Variants in TMEM273 observed in about 807,000 individuals in gnomAD.
TMEM273 encodes transmembrane protein 273, also known as chromosome 10 open reading frame 128.
Under a neutral mutation model 17.9 loss-of-function variants are expected in TMEM273, and 19 were observed. The ratio of observed to expected loss-of-function variants is 1.06; its 90% CI spans 0.74 to 1.55. TMEM273 has a LOEUF of 1.55. Among genes scored for constraint, TMEM273 ranks in the 40% most tolerant of loss-of-function variants. The pLI is 0.00. For synonymous variants in TMEM273, 66 were observed against 62.0 expected (o/e 1.07, Z -0.31); for missense variants, 194 against 155.6 (o/e 1.25, Z -1.31).
At chr10:49,187,943 A>G (rs1847826837) in intron 1 of TMEM273, among the ~76,000 whole-genome samples, 1 of 152,150 alleles carries the variant, frequency 6.6e-6, no homozygotes. Context: ...CAAAAAGTAA[A>G]CATGATTATC....
chr10:49,179,815 G>A (rs752949803), intron 1 of TMEM273, among the ~76,000 whole-genome samples: 8 of 152,130 alleles, frequency 5.3e-5, no homozygotes, highest in African/African-American at 1.7e-4. Flanking sequence ...CAGCTCCCAC[G>A]AGCCAAAGAC....
chr10:49,158,647 T>A (rs1845658494), intron 6 of TMEM273, among the ~76,000 whole-genome samples: 1 of 152,166 alleles, frequency 6.6e-6, no homozygotes, highest in African/African-American at 2.4e-5. Context: ...AGCACATGAA[T>A]AACCGCAAAT....
At chr10:49,168,002 C>T (rs760101265) in intron 1 of TMEM273, 40 bp from the exon 2 acceptor site, 12 of 1,612,514 alleles carry the variant, frequency 7.4e-6, no homozygotes, top group Middle Eastern at 1.6e-4. Context: ...TAGAACAGAG[C>T]TGGCTGTGGT....
At chr10:49,165,679 G>T in intron 4 of TMEM273, 87 bp downstream of exon 4, 1 of 1,562,562 alleles carries the variant, frequency 6.4e-7, no homozygotes, top group East Asian at 2.2e-5. Flanking sequence ...GTGCAGAGAA[G>T]GCTGGGGATG....
chr10:49,166,922 T>C lies in TMEM273; in HGVS notation c.185A>G (p.His62Arg). 1 of 1,614,002 alleles carries C rather than the reference T, an allele frequency of 6.2e-7. No individual in the cohort carries two copies. Among genetic ancestry groups the C allele is most frequent in the Non-Finnish European group, 8.5e-7 (1 of 1,180,002 alleles). Residue 62 changes from histidine to arginine, a missense_variant, in exon 3 of 7, where the codon CAC (histidine) becomes CGC (arginine). Coordinates refer to ENST00000374153, the MANE Select transcript of TMEM273 (RefSeq NM_001288740.3). Reference sequence around the variant, plus strand: ...GTCGGAAGAGTCGTCGTCAAATAAGTGCCTCCTGATCATGCAGATCTTCAG... The same window carrying C: ...GTCGGAAGAGTCGTCGTCAAATAAGCGCCTCCTGATCATGCAGATCTTCAG... Reference protein sequence around the residue: ...LALKICMIRRHLFDDDSSDLK... With the variant: ...LALKICMIRRRLFDDDSSDLK...
Position 49,188,274 on chromosome 10 carries a change from C to T in TMEM273, c.43+20G>A, listed in dbSNP as rs76486037. ...CACTGAGGCTCCCCCGGGCCAGAGACCCCCGCAGTCCCCACTTACCCAGGA... is the reference window on the plus strand; with the variant it reads ...CACTGAGGCTCCCCCGGGCCAGAGATCCCCGCAGTCCCCACTTACCCAGGA... On this transcript the variant is annotated intron_variant, in intron 1 of 6. Coordinates refer to ENST00000374153, the MANE Select transcript of TMEM273 (RefSeq NM_001288740.3). The T allele has an allele frequency of 6.8e-6, 11 of 1,613,866 alleles. No homozygotes were observed. The highest frequency in any genetic ancestry group is 9.3e-6 in the Non-Finnish European group (11 of 1,179,834).
intron 1 of TMEM273, among the ~76,000 whole-genome samples, chr10:49,173,963 C>T (rs1441955858): frequency 6.6e-6 from 1 of 152,150 alleles, no homozygotes; most frequent in Admixed American, 6.5e-5. Context: ...CTGGCACACA[C>T]TTTTCTGAGC....
chr10:49,163,743 T>C (rs1845993147), intron 5 of TMEM273, among the ~76,000 whole-genome samples: 1 of 151,984 alleles, frequency 6.6e-6, no homozygotes, highest in Non-Finnish European at 1.5e-5. Context: ...AGAGATGGGG[T>C]GCTGGGAGAC....
chr10:49,183,227 A>G (rs191777683), intron 1 of TMEM273, among the ~76,000 whole-genome samples: 101 of 152,282 alleles, frequency 6.6e-4, no homozygotes, highest in Non-Finnish European at 1.1e-3. Context: ...TGTCAACATT[A>G]AATTTCCTAA....
chr10:49,158,587 T>C (rs2132085567), intron 6 of TMEM273, among the ~76,000 whole-genome samples: 2 of 152,260 alleles, frequency 1.3e-5, no homozygotes, highest in African/African-American at 4.8e-5. Context: ...CACCAGAAGG[T>C]AGAGCACACC....
At chr10:49,162,473 C>T (rs1441330862) in intron 5 of TMEM273, among the ~76,000 whole-genome samples, 1 of 152,208 alleles carries the variant, frequency 6.6e-6, no homozygotes, top group Non-Finnish European at 1.5e-5. Context: ...GCTTCAAGGT[C>T]TGGCGATTTG....
At chr10:49,166,686 G>A (rs1022688100) in intron 3 of TMEM273, 183 bp downstream of exon 3, 1 of 795,714 alleles carries the variant, frequency 1.3e-6, no homozygotes, top group African/African-American at 1.7e-5. Flanking sequence ...AGAGACAGAA[G>A]AAAGAGAAAC....
chr10:49,166,771 C>A (rs369955880), intron 3 of TMEM273, 98 bp downstream of exon 3: 1 of 1,551,836 alleles, frequency 6.4e-7, no homozygotes, highest in Non-Finnish European at 8.8e-7. Context: ...TTGGGCTCTG[C>A]GCTTGTGGGT....
At chr10:49,179,895 GA>G (rs1354099792) in intron 1 of TMEM273, among the ~76,000 whole-genome samples, 1 of 152,176 alleles carries the variant, frequency 6.6e-6, no homozygotes, top group Admixed American at 6.5e-5. Context: ...AAACAGCACA[GA>G]AAAAACTGTG....
rs1427031802 is a variant in TMEM273, at chr10:49,155,112, C to A, written c.*780G>T. The A allele has an allele frequency of 1.3e-5, 2 of 152,222 alleles. No individual in the cohort carries two copies. Among genetic ancestry groups the A allele is most frequent in the South Asian group, 2.1e-4 (1 of 4,830 alleles). 9.4% of individuals were successfully genotyped at this position (152,222 alleles called of 1,614,324 possible). Reference sequence around the variant, plus strand: ...TTTCCTCAGCCTCCACCAGTCATGTCTTCTATGCAACAGCCATGTACATTG... The same window carrying A: ...TTTCCTCAGCCTCCACCAGTCATGTATTCTATGCAACAGCCATGTACATTG... On this transcript the variant is annotated 3_prime_UTR_variant, in exon 7 of 7. Transcript: ENST00000374153.
At chr10:49,164,862 A>T (rs184208176) in intron 5 of TMEM273, among the ~76,000 whole-genome samples, 1 of 151,592 alleles carries the variant, frequency 6.6e-6, no homozygotes, top group African/African-American at 2.4e-5. Context: ...CTGTGCAGCC[A>T]CCACCTGGGA....
intron 1 of TMEM273, among the ~76,000 whole-genome samples, chr10:49,179,245 T>C (rs1360971436): frequency 1.3e-5 from 2 of 152,218 alleles, no homozygotes; most frequent in East Asian, 3.8e-4. Flanking sequence ...GAAGTGGAGA[T>C]AGTTTAATTT....
intron 3 of TMEM273, among the ~76,000 whole-genome samples, 189 bp from the exon 4 acceptor site, chr10:49,165,985 C>T (rs1846155588): frequency 6.6e-6 from 1 of 152,142 alleles, no homozygotes; most frequent in South Asian, 2.1e-4. Context: ...CAAGGATAAG[C>T]AAACTCAAGG....
At chr10:49,168,443 G>A (rs72789077) in intron 1 of TMEM273, among the ~76,000 whole-genome samples, 3,996 of 152,156 alleles carry the variant, frequency 0.026, 50 homozygotes, top group Middle Eastern at 0.048. Flanking sequence ...AGTGTGCTCC[G>A]TAGCCGTGGT....
Sources: allele counts gnomAD v4.1 joint callset (sites outside exome capture counted in the v4.1 genomes callset), GRCh38; gene constraint gnomAD v4.1.1; transcripts MANE v1.5; gene names NCBI Gene and HGNC (gene_info 2026-07-23, HGNC 2026-07-21).